Variants in MASP1 observed in about 807,000 individuals in gnomAD.
The protein encoded by MASP1 is MBL associated serine protease 1.
Under a neutral mutation model 77.1 loss-of-function variants are expected in MASP1, and 59 were observed. That is an observed-to-expected ratio of 0.77 (90% CI 0.62 to 0.95). MASP1 has a LOEUF of 0.95. Ranked by LOEUF, MASP1 falls within the 40% of genes least tolerant of loss-of-function variation. The probability of loss-of-function intolerance (pLI) is 0.00; values close to 1 mark genes in which losing one functional copy is unlikely to be tolerated. For synonymous variants in MASP1, 362 were observed against 354.5 expected, an observed-to-expected ratio of 1.02 and a Z score of -0.24; for missense variants, 885 against 912.9, an observed-to-expected ratio of 0.97 and a Z score of 0.39.
chr3:187,286,497 G>A (rs919458440), intron 1 of MASP1, among the ~76,000 whole-genome samples: 1 of 152,126 alleles, frequency 6.6e-6, no homozygotes, highest in African/African-American at 2.4e-5. Context: ...CAGATTTAAC[G>A]TTGAAAATGG....
intron 13 of MASP1, among the ~76,000 whole-genome samples, chr3:187,224,398 G>A (rs953108846): frequency 7.0e-6 from 1 of 143,624 alleles, no homozygotes; most frequent in East Asian, 2.1e-4. Flanking sequence ...CCAGGCTGGA[G>A]TGCAGTGGCG....
rs564268054 is a variant in MASP1 at position 187,251,462 on chromosome 3, G to A, written c.1011+172C>T. On this transcript the variant is annotated intron_variant, in intron 7 of 10. Coordinates refer to ENST00000296280, the MANE Select transcript of MASP1 (RefSeq NM_139125.4). ...TGTGCCACTTTCAGAGTGTGAGACC[G>A]CCTGGGACGCATGCTTTGGAATTTC... 1.2e-4 allele frequency: 77 copies of A among 617,354 alleles called. No individual in the cohort carries two copies. The Middle Eastern group carries it at 3.2e-3, about 25-fold the overall frequency. 38.2% of individuals were successfully genotyped at this position (617,354 alleles called of 1,614,324 possible).
At chr3:187,220,025 C>T (rs770385937) in exon 16 of MASP1, 3 of 1,600,242 alleles carry the variant, frequency 1.9e-6, no homozygotes, top group Admixed American at 3.3e-5. Flanking sequence ...TCGTCCTCTG[C>T]TACTGACTGC....
intron 2 of MASP1, among the ~76,000 whole-genome samples, chr3:187,272,447 C>G (rs183805927): frequency 6.6e-6 from 1 of 152,238 alleles, no homozygotes; most frequent in Admixed American, 6.5e-5. Context: ...CAAGTCCTAA[C>G]CCCTGTTTCT....
chr3:187,243,099 ACTC>A, intron 9 of MASP1: 1 of 321,056 alleles, frequency 3.1e-6, no homozygotes, highest in Non-Finnish European at 6.0e-6. Context: ...GGAAACCCCA[ACTC>A]AGCCTCAGAC....
chr3:187,223,099 T>C (rs1431268048), intron 14 of MASP1: 5 of 1,596,312 alleles, frequency 3.1e-6, no homozygotes, highest in African/African-American at 1.3e-5. Flanking sequence ...GAGGTGTCAC[T>C]GTCTGTAGGT....
At chr3:187,251,931 C>T (rs1331546511) in intron 6 of MASP1, among the ~76,000 whole-genome samples, 179 bp from the exon 7 acceptor site, 1 of 152,228 alleles carries the variant, frequency 6.6e-6, no homozygotes, top group African/African-American at 2.4e-5. Context: ...GGGCAGTTTC[C>T]AACTTGGACC....
At chr3:187,288,034 T>G (rs1717997525) in intron 1 of MASP1, among the ~76,000 whole-genome samples, 1 of 152,242 alleles carries the variant, frequency 6.6e-6, no homozygotes. Context: ...ATATAAGTAT[T>G]TCCATTTTTG....
intron 8 of MASP1, chr3:187,244,785 G>A (rs1560246658): frequency 1.3e-5 from 2 of 152,242 alleles, no homozygotes; most frequent in African/African-American, 2.4e-5. Flanking sequence ...GACATCAACT[G>A]TCAGAATTTC....
chr3:187,229,490 T>C (rs1712636418), downstream of MASP1, among the ~76,000 whole-genome samples: 1 of 152,146 alleles, frequency 6.6e-6, no homozygotes, highest in Non-Finnish European at 1.5e-5. Flanking sequence ...AAGGGTGAGT[T>C]TCCTGGCTCT....
At chr3:187,285,722 GTC>G in intron 2 of MASP1, 101 bp downstream of exon 2, 3 of 887,772 alleles carry the variant, frequency 3.4e-6, no homozygotes, top group Non-Finnish European at 5.7e-6. Flanking sequence ...GATGTTGTGT[GTC>G]TCTCTTACTA....
At chr3:187,229,849 T>C, downstream of MASP1, 1 of 1,614,158 alleles carries the variant, frequency 6.2e-7, no homozygotes, top group Non-Finnish European at 8.5e-7. Flanking sequence ...TGGGCGTCCA[T>C]TGAAGATCCT....
chr3:187,255,687 TTTC>T (rs984416747), intron 5 of MASP1, among the ~76,000 whole-genome samples: 2 of 152,194 alleles, frequency 1.3e-5, no homozygotes, highest in Non-Finnish European at 2.9e-5. Flanking sequence ...GTTCTAGAGT[TTTC>T]TTCTGTGTCC....
chr3:187,284,145 C>T (rs1300034910), intron 2 of MASP1, among the ~76,000 whole-genome samples: 1 of 152,194 alleles, frequency 6.6e-6, no homozygotes, highest in Non-Finnish European at 1.5e-5. Context: ...CATTCTTTAT[C>T]AGTTAGTCTT....
At position 187,268,549 on chromosome 3, in the gene MASP1, T is replaced by TAGAAAAGAAA. The variant is rs10663602; in HGVS notation, c.238-5839_238-5830dup. Among the ~76,000 whole-genome samples, 867 of 137,426 alleles carry TAGAAAAGAAA rather than the reference T, an allele frequency of 6.3e-3. 4 individuals are homozygous for TAGAAAAGAAA. The highest frequency in any genetic ancestry group is 0.014 in the South Asian group (63 of 4,610). 90.2% of individuals were successfully genotyped at this position (137,426 alleles called of 152,430 possible). The stretch of plus-strand genomic sequence containing the variant: ...AGAAAGAAAAGAAAAGAAAAGAAAA[T>TAGAAAAGAAA]AGAAAAGAAAAGAAAAGAAAAGAAA... On this transcript the variant is annotated intron_variant, in intron 2 of 10. Coordinates refer to ENST00000296280, the MANE Select transcript of MASP1 (RefSeq NM_139125.4).
chr3:187,240,482 A>T (rs3774270), intron 10 of MASP1, among the ~76,000 whole-genome samples: 33,746 of 150,458 alleles, frequency 0.22, 4,541 homozygotes, highest in East Asian at 0.47. Context: ...GCTTTTTTTT[A>T]AAAAAAATGT....
chr3:187,270,274 C>T (rs1716411165), intron 2 of MASP1, among the ~76,000 whole-genome samples: 1 of 152,180 alleles, frequency 6.6e-6, no homozygotes, highest in Non-Finnish European at 1.5e-5. Context: ...CTCATCTGTG[C>T]ACTTCCTTGT....
At chr3:187,254,779 CG>C (rs1714933725) in intron 5 of MASP1, among the ~76,000 whole-genome samples, 1 of 152,120 alleles carries the variant, frequency 6.6e-6, no homozygotes, top group African/African-American at 2.4e-5. Flanking sequence ...TTATCTGATC[CG>C]GATTCCCCAC....
exon 16 of MASP1, chr3:187,220,117 T>G (rs1384687250): frequency 6.2e-7 from 1 of 1,613,962 alleles, no homozygotes; most frequent in Non-Finnish European, 8.5e-7. Context: ...CTTGTTGTGG[T>G]GGATGTAAGA....
Sources: allele counts gnomAD v4.1 joint callset (sites outside exome capture counted in the v4.1 genomes callset), GRCh38; gene constraint gnomAD v4.1.1; transcripts MANE v1.5; gene names NCBI Gene and HGNC (gene_info 2026-07-23, HGNC 2026-07-21).